Variants in VAV3 observed in about 807,000 individuals in gnomAD.
VAV3 encodes the protein vav guanine nucleotide exchange factor 3.
A neutral mutation model predicts 131.2 loss-of-function variants in VAV3; 94 were observed. The ratio of observed to expected loss-of-function variants is 0.72; its 90% CI spans 0.61 to 0.85. The LOEUF (loss-of-function observed/expected upper bound fraction) is 0.85. VAV3 is among the 40% of genes least tolerant of loss of function. The pLI, the probability that VAV3 is intolerant of heterozygous loss-of-function variation, is 0.00. For missense variants in VAV3, 939 were observed against 1,002.7 expected, an observed-to-expected ratio of 0.94 and a Z score of 0.86; for synonymous variants, 349 against 342.0, an observed-to-expected ratio of 1.02 and a Z score of -0.22.
At chr1:107,651,890 A>G (rs949778870) in intron 19 of VAV3, among the ~76,000 whole-genome samples, 2 of 152,152 alleles carry the variant, frequency 1.3e-5, no homozygotes, top group Non-Finnish European at 2.9e-5. Context: ...CTGGCACCTG[A>G]TAACTCTCCA....
chr1:107,671,214 GA>G (rs1334421888), intron 19 of VAV3, among the ~76,000 whole-genome samples: 2 of 152,188 alleles, frequency 1.3e-5, no homozygotes, highest in Admixed American at 1.3e-4. Context: ...GTCCTGAACT[GA>G]AGACATCACA....
At chr1:107,763,603 G>C (rs1043000105) in intron 9 of VAV3, among the ~76,000 whole-genome samples, 1 of 152,186 alleles carries the variant, frequency 6.6e-6, no homozygotes, top group Non-Finnish European at 1.5e-5. Context: ...GCAAAGAGGA[G>C]CAGGAAGTCT....
intron 15 of VAV3, among the ~76,000 whole-genome samples, chr1:107,745,853 T>C (rs1170392823): frequency 1.3e-5 from 2 of 152,286 alleles, no homozygotes; most frequent in South Asian, 2.1e-4. Flanking sequence ...CTCTCACCAA[T>C]GCCTCCCTTT....
At chr1:107,687,394 A>T (rs1172631421) in intron 18 of VAV3, among the ~76,000 whole-genome samples, 3 of 152,152 alleles carry the variant, frequency 2.0e-5, no homozygotes, top group African/African-American at 7.2e-5. Context: ...TACTAATATC[A>T]CTTTTAAAGA....
intron 4 of VAV3, among the ~76,000 whole-genome samples, chr1:107,774,913 CTT>C (rs375088872): frequency 3.8e-5 from 5 of 130,682 alleles, no homozygotes; most frequent in African/African-American, 5.4e-5. Flanking sequence ...AATACATTTG[CTT>C]TTTTTTTTTT....
chr1:107,832,221 G>A (rs966273995), intron 2 of VAV3, among the ~76,000 whole-genome samples: 1 of 152,182 alleles, frequency 6.6e-6, no homozygotes. Flanking sequence ...ATGGACTAAT[G>A]GACCTTAGTT....
chr1:107,869,866 G>A (rs1412291227), intron 2 of VAV3, among the ~76,000 whole-genome samples: 4 of 152,106 alleles, frequency 2.6e-5, no homozygotes, highest in African/African-American at 9.7e-5. Flanking sequence ...TCATAGCTTA[G>A]CTCCCACATA....
At chr1:107,582,392 T>C (rs976072380) in intron 25 of VAV3, among the ~76,000 whole-genome samples, 22 of 152,264 alleles carry the variant, frequency 1.4e-4, no homozygotes, top group African/African-American at 5.1e-4. Context: ...AACCCTATTG[T>C]TTACTGCTTA....
At chr1:107,744,494 A>G (rs1194596397) in intron 15 of VAV3, among the ~76,000 whole-genome samples, 3 of 152,196 alleles carry the variant, frequency 2.0e-5, no homozygotes, top group Admixed American at 6.5e-5. Context: ...AAAAAACACT[A>G]TGAAGGCTAA....
At chr1:107,888,295 A>G (rs1366211973) in intron 1 of VAV3, among the ~76,000 whole-genome samples, 1 of 152,200 alleles carries the variant, frequency 6.6e-6, no homozygotes, top group East Asian at 1.9e-4. Flanking sequence ...TGTAGCAATA[A>G]CCAACAAACC....
intron 2 of VAV3, among the ~76,000 whole-genome samples, chr1:107,827,462 T>C (rs1433912732): frequency 2.6e-5 from 4 of 152,192 alleles, no homozygotes; most frequent in African/African-American, 9.6e-5. Flanking sequence ...TAGATGGATT[T>C]ATAACTGGCT....
At chr1:107,751,328 T>C (rs1012662282) in intron 12 of VAV3, 126 bp from the exon 13 acceptor site, 9 of 757,944 alleles carry the variant, frequency 1.2e-5, no homozygotes, top group Admixed American at 6.1e-5. Context: ...TTTTATACTT[T>C]TAAAGCATAC....
At chr1:107,793,157 A>G (rs1053672421) in intron 2 of VAV3, among the ~76,000 whole-genome samples, 1 of 152,186 alleles carries the variant, frequency 6.6e-6, no homozygotes, top group Admixed American at 6.5e-5. Flanking sequence ...TAATGATATT[A>G]TCCTCATTTT....
intron 17 of VAV3, among the ~76,000 whole-genome samples, chr1:107,696,328 T>C (rs1005237341): frequency 2.0e-5 from 3 of 152,244 alleles, no homozygotes; most frequent in African/African-American, 7.2e-5. Flanking sequence ...CTTCCAGCTA[T>C]TTGAAAATAT....
intron 1 of VAV3, among the ~76,000 whole-genome samples, chr1:107,892,324 C>A (rs974221544): frequency 6.6e-6 from 1 of 152,084 alleles, no homozygotes; most frequent in African/African-American, 2.4e-5. Flanking sequence ...GACTGAGTGC[C>A]CATTACGTAC....
At chr1:107,802,109 T>C (rs1166381055) in intron 2 of VAV3, among the ~76,000 whole-genome samples, 1 of 152,136 alleles carries the variant, frequency 6.6e-6, no homozygotes, top group Non-Finnish European at 1.5e-5. Flanking sequence ...ATGTTCTTTG[T>C]AGCTATTGCA....
chr1:107,617,568 C>A lies in VAV3; in HGVS notation c.1979G>T (p.Cys660Phe), dbSNP rs1427354502. Residue 660 changes from cysteine to phenylalanine, a missense_variant and splice_region_variant, in exon 21 of 27, where the codon TGT becomes TTT. Transcript: ENST00000370056. ...GAAAATTAAGATACTAATACTTACA[C>A]ATGGGCAAGGCTTGACTGCATCACT... ...FPSDAVKPCP[C>F]VPKPVDYSCQ... 2 of 1,610,226 alleles carry A rather than the reference C, an allele frequency of 1.2e-6. No individual in the cohort carries two copies. The highest frequency in any genetic ancestry group is 1.7e-6 in the Non-Finnish European group (2 of 1,178,152).
Position 107,696,935 on chromosome 1 carries a change from T to G in VAV3, c.1705+7615A>C, listed in dbSNP as rs1240953098. Among the ~76,000 whole-genome samples the G allele has an allele frequency of 5.3e-5, 8 of 152,318 alleles. No homozygotes were observed. The East Asian group carries it at 1.5e-3, about 29-fold the overall frequency. On this transcript the variant is annotated intron_variant, in intron 17 of 26. Transcript: ENST00000370056. ...TATATTACTGAACTGCAGCAAGCAA[T>G]TATTCCTGGATGCCCAAAGGATCAC...
chr1:107,699,431 C>T (rs779670388), intron 17 of VAV3, among the ~76,000 whole-genome samples: 5 of 152,260 alleles, frequency 3.3e-5, no homozygotes, highest in African/African-American at 4.8e-5. Flanking sequence ...TACAGCCCCC[C>T]TCCTGGCTGC....
Sources: gnomAD v4.1 joint callset for allele counts (sites outside exome capture counted in the v4.1 genomes callset) on GRCh38, gnomAD v4.1.1 for gene constraint, MANE v1.5 for transcripts, NCBI Gene and HGNC (gene_info 2026-07-23, HGNC 2026-07-21) for gene names.